RBFOX1: variants seen among roughly 807,000 people sequenced by gnomAD.
RBFOX1 encodes the protein RNA binding protein fox-1 homolog 1.
A neutral mutation model predicts 57.7 loss-of-function variants in RBFOX1; 8 were observed. That is an observed-to-expected ratio of 0.14 (90% CI 0.08 to 0.25). The LOEUF (loss-of-function observed/expected upper bound fraction) is 0.25. RBFOX1 is among the 10% of genes least tolerant of loss of function. RBFOX1 has a pLI of 1.00. For synonymous variants in RBFOX1, 326 were observed against 222.4 expected, an observed-to-expected ratio of 1.47 and a Z score of -4.15; for missense variants, 611 against 548.5, an observed-to-expected ratio of 1.11 and a Z score of -1.14.
At chr16:7,007,638 G>A (rs186106818) in intron 3 of RBFOX1, among the ~76,000 whole-genome samples, 4 of 152,226 alleles carry the variant, frequency 2.6e-5, no homozygotes, top group East Asian at 1.9e-4. Flanking sequence ...GTAAATGTAC[G>A]TTTCTACTCT....
chr16:7,080,767 G>C (rs116633937), intron 4 of RBFOX1, among the ~76,000 whole-genome samples: 1,563 of 152,198 alleles, frequency 0.01, 30 homozygotes, highest in African/African-American at 0.035. Context: ...CTCTTGCAAG[G>C]TATCATCATC....
intron 4 of RBFOX1, among the ~76,000 whole-genome samples, chr16:5,941,326 CA>C: frequency 6.6e-6 from 1 of 151,774 alleles, no homozygotes; most frequent in Non-Finnish European, 1.5e-5. Flanking sequence ...CTTATCTCTA[CA>C]TTTTTTTTTT....
Position 6,557,006 on chromosome 16 carries a change from CATATATAT to C in RBFOX1, c.-63-97595_-63-97588del, listed in dbSNP as rs1236015537. On this transcript the variant is annotated intron_variant, in intron 2 of 15. Transcript: ENST00000550418. ...ACGTATATATACATACATATATATA[CATATATAT>C]ACATATATATACATATATACACATA... Among the ~76,000 whole-genome samples the C allele has an allele frequency of 5.3e-3, 724 of 136,360 alleles. 4 individuals are homozygous for C. Among genetic ancestry groups the C allele is most frequent in the Middle Eastern group, 0.019 (5 of 262 alleles). 89.5% of individuals were successfully genotyped at this position (136,360 alleles called of 152,430 possible). A position where few individuals can be genotyped will look rare whatever the true frequency, so the allele number is the denominator to read the frequency against.
At chr16:6,359,488 A>C (rs1380735922) in intron 2 of RBFOX1, among the ~76,000 whole-genome samples, 1 of 152,232 alleles carries the variant, frequency 6.6e-6, no homozygotes, top group African/African-American at 2.4e-5. Context: ...GACTTGTCTT[A>C]GGATGGGAGC....
In RBFOX1 at chr16:5,691,984, C is replaced by T. The variant is rs139899337; in HGVS notation, c.318+93023C>T. ...GAAGGCTGAGTGTCACATTCTTCAC[C>T]TCTGCTAAGAATGTGCACATTTGGT... On this transcript the variant is annotated intron_variant, in intron 3 of 19. Coordinates refer to the RBFOX1 transcript ENST00000641259. 5.1e-3 allele frequency among the ~76,000 whole-genome samples: 766 copies of T among 151,348 alleles called. 7 individuals are homozygous for T. The highest frequency in any genetic ancestry group is 7.6e-3 in the Admixed American group (114 of 15,092).
chr16:7,702,440 A>C (rs2081056013), intron 14 of RBFOX1, among the ~76,000 whole-genome samples: 1 of 152,222 alleles, frequency 6.6e-6, no homozygotes, highest in Admixed American at 6.5e-5. Context: ...TTTCAGTAGG[A>C]CTGTGAGATC....
intron 2 of RBFOX1, among the ~76,000 whole-genome samples, chr16:6,650,128 T>G (rs2098571543): frequency 6.6e-6 from 1 of 152,190 alleles, no homozygotes; most frequent in Admixed American, 6.5e-5. Context: ...GTTTTTAATT[T>G]TTTGAGAAGC....
chr16:7,019,162 T>C (rs535679940), intron 3 of RBFOX1, among the ~76,000 whole-genome samples: 1 of 152,166 alleles, frequency 6.6e-6, no homozygotes, highest in South Asian at 2.1e-4. Context: ...CTTTGTAATA[T>C]TTCTAAAATT....
In RBFOX1 at chr16:7,236,097, A is replaced by G. The variant is rs138161546; in HGVS notation, c.27+183999A>G. On this transcript the variant is annotated intron_variant, in intron 4 of 15. Transcript: ENST00000550418. ...TATCTGGACTTAGCTTACCTCTTCA[A>G]CATTTCAGAAATTAGAGTGTTTTCT... 3.2e-4 allele frequency among the ~76,000 whole-genome samples: 49 copies of G among 152,306 alleles called. No individual in the cohort carries two copies. In the East Asian group the frequency reaches 8.9e-3, roughly 28 times the overall value.
intron 3 of RBFOX1, among the ~76,000 whole-genome samples, chr16:6,804,757 C>T (rs1163260079): frequency 6.6e-6 from 1 of 152,136 alleles, no homozygotes; most frequent in African/African-American, 2.4e-5. Flanking sequence ...GAATGGGACG[C>T]AGTGGATTGG....
chr16:5,637,459 A>C (rs1416506588), intron 3 of RBFOX1, among the ~76,000 whole-genome samples: 1 of 152,216 alleles, frequency 6.6e-6, no homozygotes, highest in African/African-American at 2.4e-5. Flanking sequence ...GTAAAGGAAT[A>C]AAACCTCCTC....
chr16:5,339,096 A>G (rs2064970922), intron 1 of RBFOX1, among the ~76,000 whole-genome samples: 1 of 152,026 alleles, frequency 6.6e-6, no homozygotes, highest in Non-Finnish European at 1.5e-5. Flanking sequence ...TGTACAGTAG[A>G]TCTCTTGAAC....
intron 5 of RBFOX1, among the ~76,000 whole-genome samples, chr16:7,537,187 G>C (rs943578544): frequency 2.0e-5 from 3 of 152,258 alleles, no homozygotes; most frequent in African/African-American, 7.2e-5. Context: ...AGGACTGCCA[G>C]TAAGCTCTTG....
rs1000203597 is a variant in RBFOX1 at position 5,319,799 on chromosome 16, C to T, written c.219+79694C>T. ...TAGATGCTGGTTGGATGGCTTTCCA[C>T]ACAGTCATTCAGGGATCCAGGCTCC... On this transcript the variant is annotated intron_variant, in intron 1 of 2. Coordinates refer to the RBFOX1 transcript ENST00000585867. Among the ~76,000 whole-genome samples, 3 of 151,640 alleles carry T rather than the reference C, an allele frequency of 2.0e-5. No individual in the cohort carries two copies. In the South Asian group the frequency reaches 6.2e-4, roughly 32 times the overall value.
At chr16:7,375,348 T>G (rs1157072935) in intron 4 of RBFOX1, among the ~76,000 whole-genome samples, 1 of 152,200 alleles carries the variant, frequency 6.6e-6, no homozygotes, top group Non-Finnish European at 1.5e-5. Context: ...CTTCTGATAA[T>G]TATAGCAGTA....
intron 4 of RBFOX1, among the ~76,000 whole-genome samples, chr16:7,196,926 G>T (rs1602639314): frequency 6.6e-6 from 1 of 152,132 alleles, no homozygotes; most frequent in African/African-American, 2.4e-5. Flanking sequence ...TGTGCAGAGG[G>T]GAAGTTGGGT....
intron 3 of RBFOX1, among the ~76,000 whole-genome samples, chr16:6,934,090 A>C (rs1042268534): frequency 6.6e-6 from 1 of 152,282 alleles, no homozygotes; most frequent in Admixed American, 6.5e-5. Context: ...GCAGCATTTC[A>C]GAGGTAGTTG....
At chr16:5,759,428 C>T (rs5015281) in intron 3 of RBFOX1, among the ~76,000 whole-genome samples, 59,088 of 152,110 alleles carry the variant, frequency 0.39, 11,799 homozygotes, top group East Asian at 0.62. Context: ...TTTGCCTCCT[C>T]ACATCATGTG....
At chr16:7,472,518 T>A (rs2061754495) in intron 4 of RBFOX1, among the ~76,000 whole-genome samples, 1 of 152,236 alleles carries the variant, frequency 6.6e-6, no homozygotes, top group South Asian at 2.1e-4. Flanking sequence ...TGAAAATCTT[T>A]ATTTTAGAAT....
Sources: gnomAD v4.1 joint callset for allele counts (sites outside exome capture counted in the v4.1 genomes callset) on GRCh38, gnomAD v4.1.1 for gene constraint, MANE v1.5 for transcripts, NCBI Gene and HGNC (gene_info 2026-07-23, HGNC 2026-07-21) for gene names.